CCSER1: variants seen among roughly 807,000 people sequenced by gnomAD.
CCSER1 encodes coiled-coil serine rich protein 1.
A neutral mutation model predicts 82.0 loss-of-function variants in CCSER1; 41 were observed. The observed-to-expected ratio is 0.50, with a 90% CI of 0.39 to 0.65. CCSER1 has a LOEUF of 0.65. Ranked by LOEUF, CCSER1 falls within the 30% of genes least tolerant of loss-of-function variation. CCSER1 has a pLI of 0.00. For missense variants in CCSER1, 1,119 were observed against 1,064.2 expected, an observed-to-expected ratio of 1.05 and a Z score of -0.72; for synonymous variants, 414 against 383.9, an observed-to-expected ratio of 1.08 and a Z score of -0.92.
chr4:90,652,186 T>C (rs982322340), intron 6 of CCSER1, among the ~76,000 whole-genome samples: 8 of 152,124 alleles, frequency 5.3e-5, no homozygotes, highest in Non-Finnish European at 1.0e-4. Flanking sequence ...AAATTGTAGG[T>C]GTATAAACAA....
At chr4:90,465,497 T>G (rs1763507661) in intron 4 of CCSER1, among the ~76,000 whole-genome samples, 1 of 152,078 alleles carries the variant, frequency 6.6e-6, no homozygotes, top group Non-Finnish European at 1.5e-5. Flanking sequence ...ATTTTTTGTA[T>G]TTTTAGTAGA....
chr4:90,911,786 C>T (rs1726412156), intron 8 of CCSER1, among the ~76,000 whole-genome samples: 1 of 152,176 alleles, frequency 6.6e-6, no homozygotes. Flanking sequence ...CAACCTAATA[C>T]TGCGCTTTTC....
intron 10 of CCSER1, among the ~76,000 whole-genome samples, chr4:91,463,682 A>G (rs993565123): frequency 6.6e-6 from 1 of 152,214 alleles, no homozygotes; most frequent in Non-Finnish European, 1.5e-5. Context: ...GCTGAAAACC[A>G]TGGCACGAGA....
At chr4:90,271,164 A>C (rs1726207470) in intron 1 of CCSER1, among the ~76,000 whole-genome samples, 1 of 152,176 alleles carries the variant, frequency 6.6e-6, no homozygotes, top group South Asian at 2.1e-4. Context: ...GAGCCACAAA[A>C]GGCTCTGAAT....
At chr4:90,672,940 G>A (rs1032699190) in intron 6 of CCSER1, among the ~76,000 whole-genome samples, 3 of 151,832 alleles carry the variant, frequency 2.0e-5, no homozygotes, top group African/African-American at 7.3e-5. Flanking sequence ...GTGGTGTGTG[G>A]TACACCAAAA....
chr4:91,516,134 A>G (rs1760108207), intron 10 of CCSER1, among the ~76,000 whole-genome samples: 1 of 152,010 alleles, frequency 6.6e-6, no homozygotes, highest in South Asian at 2.1e-4. Context: ...ATAGTTTGTA[A>G]ATATTTTTTC....
At chr4:90,468,404 C>A in intron 5 of CCSER1, 50 bp downstream of exon 5, 5 of 1,502,816 alleles carry the variant, frequency 3.3e-6, no homozygotes, top group Non-Finnish European at 4.5e-6. Context: ...AATTAGATAA[C>A]TGATAAGAAA....
chr4:90,498,430 A>C (rs1395436150), intron 5 of CCSER1, among the ~76,000 whole-genome samples: 2 of 152,204 alleles, frequency 1.3e-5, no homozygotes, highest in Non-Finnish European at 2.9e-5. Flanking sequence ...GTATAATGAC[A>C]TTAAAAATAA....
intron 8 of CCSER1, among the ~76,000 whole-genome samples, chr4:90,876,452 G>A (rs1016903020): frequency 1.1e-4 from 17 of 152,070 alleles, no homozygotes; most frequent in Non-Finnish European, 2.4e-4. Flanking sequence ...TGTGTGAAAG[G>A]TTAATAACAT....
chr4:90,605,325 G>T (rs749843929), intron 5 of CCSER1, among the ~76,000 whole-genome samples: 10 of 152,194 alleles, frequency 6.6e-5, no homozygotes, highest in Non-Finnish European at 1.3e-4. Flanking sequence ...GTTGAATGCT[G>T]TGAGACTAGA....
At chr4:91,220,695 A>G (rs368484067) in intron 10 of CCSER1, among the ~76,000 whole-genome samples, 63 of 152,228 alleles carry the variant, frequency 4.1e-4, no homozygotes, top group African/African-American at 1.3e-3. Context: ...CCCTGCAAGC[A>G]GTTGTGCTGA....
chr4:90,997,040 G>A (rs1240052800), intron 9 of CCSER1, among the ~76,000 whole-genome samples: 1 of 152,118 alleles, frequency 6.6e-6, no homozygotes, highest in African/African-American at 2.4e-5. Flanking sequence ...GGACTCTATG[G>A]TGTATTCACT....
At chr4:90,255,671 A>G (rs1189618183) in intron 1 of CCSER1, among the ~76,000 whole-genome samples, 1 of 152,208 alleles carries the variant, frequency 6.6e-6, no homozygotes, top group Non-Finnish European at 1.5e-5. Flanking sequence ...ATAGATATCT[A>G]GCCTTTAAAT....
intron 5 of CCSER1, among the ~76,000 whole-genome samples, chr4:90,607,660 G>A (rs1784907743): frequency 6.6e-6 from 1 of 152,080 alleles, no homozygotes; most frequent in Non-Finnish European, 1.5e-5. Flanking sequence ...ATCGTTCTCT[G>A]TGTTGACCTT....
chr4:90,553,519 GC>G, intron 5 of CCSER1, among the ~76,000 whole-genome samples: 1 of 152,246 alleles, frequency 6.6e-6, no homozygotes, highest in Admixed American at 6.5e-5. Flanking sequence ...TGGCTTTAAT[GC>G]ATTAGAACTA....
At chr4:90,881,583 G>A (rs897680025) in intron 8 of CCSER1, among the ~76,000 whole-genome samples, 3 of 151,966 alleles carry the variant, frequency 2.0e-5, no homozygotes, top group African/African-American at 4.8e-5. Flanking sequence ...ACCAGCCTGG[G>A]CAATGTGGTG....
intron 3 of CCSER1, among the ~76,000 whole-genome samples, chr4:90,358,386 G>A (rs1464500950): frequency 1.3e-5 from 2 of 152,100 alleles, no homozygotes; most frequent in South Asian, 2.1e-4. Flanking sequence ...ACTTTGGTCA[G>A]ATTACTTAAT....
intron 10 of CCSER1, among the ~76,000 whole-genome samples, chr4:91,472,411 GT>G (rs796180946): frequency 6.6e-6 from 1 of 152,080 alleles, no homozygotes; most frequent in Non-Finnish European, 1.5e-5. Context: ...AAGATTTTAC[GT>G]TTTTTTCCCA....
At chr4:91,501,431 T>C (rs1560720480) in intron 10 of CCSER1, among the ~76,000 whole-genome samples, 1 of 152,006 alleles carries the variant, frequency 6.6e-6, no homozygotes, top group Non-Finnish European at 1.5e-5. Flanking sequence ...ATTATCTATT[T>C]ATTCACATTT....
Sources: gnomAD v4.1 joint callset for allele counts (sites outside exome capture counted in the v4.1 genomes callset) on GRCh38, gnomAD v4.1.1 for gene constraint, MANE v1.5 for transcripts, NCBI Gene and HGNC (gene_info 2026-07-23, HGNC 2026-07-21) for gene names.